TANC2: variants seen among roughly 807,000 people sequenced by gnomAD.
TANC2 encodes the protein protein TANC2.
Under a neutral mutation model 210.5 loss-of-function variants are expected in TANC2, and 26 were observed. That is an observed-to-expected ratio of 0.12 (90% confidence interval 0.09 to 0.17). The LOEUF is 0.17. Among genes scored for constraint, TANC2 ranks in the 10% least tolerant of loss-of-function variants. The probability of loss-of-function intolerance (pLI) is 1.00; values close to 1 mark genes in which losing one functional copy is unlikely to be tolerated. For synonymous variants in TANC2, 931 were observed against 967.1 expected (o/e 0.96, Z 0.69); for missense variants, 2,129 against 2,608.9 (o/e 0.82, Z 4.01).
At chr17:63,395,961 G>C in intron 18 of TANC2, 33 bp downstream of exon 18, 1 of 1,565,170 alleles carries the variant, frequency 6.4e-7, no homozygotes, top group Non-Finnish European at 8.7e-7. Flanking sequence ...GTTTTTTCAA[G>C]CTCTGTATTG....
Position 63,051,174 on chromosome 17 carries a change from C to G in TANC2, c.68-22769C>G, listed in dbSNP as rs1000829462. Among the ~76,000 whole-genome samples the G allele has an allele frequency of 2.0e-5, 3 of 152,126 alleles. No homozygotes were observed. The South Asian group carries it at 6.2e-4, about 31-fold the overall frequency. ...TTGATCATCATGAATAATATTTATG[C>G]CTTTTGTGATTATGCTTTTTATGAT... On this transcript the variant is annotated intron_variant, in intron 2 of 27. Transcript: ENST00000689528.
Position 63,413,649 on chromosome 17 carries a change from G to C in TANC2, c.4020+15G>C. Reference sequence around the variant, plus strand: ...TGTTTTATAAGGTGAGGGGAGGGAGGGACACAGTTTCTTCAGAACAGCCAC... The same window carrying C: ...TGTTTTATAAGGTGAGGGGAGGGAGCGACACAGTTTCTTCAGAACAGCCAC... On this transcript the variant is annotated intron_variant, in intron 25 of 27. Coordinates refer to ENST00000689528, the Ensembl canonical transcript of TANC2. 11 of 1,571,514 alleles carry C rather than the reference G, an allele frequency of 7.0e-6. No homozygotes were observed. The highest frequency in any genetic ancestry group is 1.3e-5 in the African/African-American group (1 of 74,186).
At chr17:63,038,924 G>A (rs996292523) in intron 2 of TANC2, among the ~76,000 whole-genome samples, 1 of 152,104 alleles carries the variant, frequency 6.6e-6, no homozygotes, top group African/African-American at 2.4e-5. Context: ...TAGTGGATAA[G>A]AGTGTATGTG....
At chr17:63,196,291 G>A (rs1314779622) in intron 6 of TANC2, among the ~76,000 whole-genome samples, 1 of 152,140 alleles carries the variant, frequency 6.6e-6, no homozygotes, top group African/African-American at 2.4e-5. Context: ...GAACAATATT[G>A]TTGAGGGATT....
intron 8 of TANC2, among the ~76,000 whole-genome samples, chr17:63,259,427 C>G (rs2043294037): frequency 6.6e-6 from 1 of 152,086 alleles, no homozygotes; most frequent in African/African-American, 2.4e-5. Flanking sequence ...TATGAAGGTG[C>G]TTTCTTATGT....
At chr17:63,267,669 C>T in intron 8 of TANC2, 79 bp from the exon 9 acceptor site, 4 of 1,478,898 alleles carry the variant, frequency 2.7e-6, no homozygotes, top group Non-Finnish European at 3.6e-6. Flanking sequence ...GCCCTGATTC[C>T]AAAGTTCCGG....
At chr17:63,312,509 C>CTG (rs1031724997) in intron 9 of TANC2, among the ~76,000 whole-genome samples, 1 of 152,062 alleles carries the variant, frequency 6.6e-6, no homozygotes, top group African/African-American at 2.4e-5. Context: ...TAAGTGGGAG[C>CTG]TAAACAATGA....
At chr17:63,305,349 C>T (rs370100000) in intron 9 of TANC2, 8 of 152,120 alleles carry the variant, frequency 5.3e-5, no homozygotes, top group Admixed American at 2.0e-4. Context: ...TCAGGTGGGC[C>T]GCCTTACCAC....
In TANC2 at chr17:63,355,311, A is replaced by G. The variant is rs2046748779; in HGVS notation, c.2503A>G (p.Met835Val). ...AATCAAGCGCAGAGACATGACTCGT[A>G]TGTTTGTACATCCTTCTTTTCGAGA... Residue 835 changes from methionine (M) to valine (V), a missense_variant, in exon 14 of 28, where the codon ATG becomes GTG. Transcript: ENST00000689528. 1.2e-6 allele frequency: 2 copies of G among 1,612,158 alleles called. No homozygotes were observed. Among genetic ancestry groups the G allele is most frequent in the Non-Finnish European group, 1.7e-6 (2 of 1,179,294 alleles).
intron 1 of TANC2, among the ~76,000 whole-genome samples, chr17:63,006,937 A>T (rs1227792530): frequency 6.6e-6 from 1 of 152,060 alleles, no homozygotes; most frequent in African/African-American, 2.4e-5. Context: ...TAGAATTATG[A>T]TATCTTGGCT....
intron 4 of TANC2, chr17:63,150,241 A>G (rs1332258483): frequency 6.6e-6 from 1 of 152,156 alleles, no homozygotes; most frequent in Non-Finnish European, 1.5e-5. Context: ...TGACACTAAT[A>G]TATAATACAA....
At chr17:62,990,004 C>A (rs1032736709) in intron 1 of TANC2, among the ~76,000 whole-genome samples, 1 of 152,054 alleles carries the variant, frequency 6.6e-6, no homozygotes, top group Non-Finnish European at 1.5e-5. Flanking sequence ...CTCTTGAACT[C>A]CTGACCTCGT....
chr17:63,143,884 G>A (rs117504628), intron 4 of TANC2, among the ~76,000 whole-genome samples: 3,129 of 151,996 alleles, frequency 0.021, 37 homozygotes, highest in South Asian at 0.038. Context: ...TGGGTACAGG[G>A]GCTCTCACCT....
intron 2 of TANC2, among the ~76,000 whole-genome samples, chr17:63,034,084 C>T (rs1023003660): frequency 6.6e-6 from 1 of 152,112 alleles, no homozygotes; most frequent in Non-Finnish European, 1.5e-5. Flanking sequence ...AACAGATTTT[C>T]AATGTAGATG....
chr17:62,992,747 T>A (rs929947759), intron 1 of TANC2, among the ~76,000 whole-genome samples: 2 of 152,220 alleles, frequency 1.3e-5, no homozygotes, highest in African/African-American at 4.8e-5. Flanking sequence ...CTGTAACATA[T>A]GACATATGTA....
At chr17:63,144,784 AAG>A in intron 4 of TANC2, among the ~76,000 whole-genome samples, 1 of 152,298 alleles carries the variant, frequency 6.6e-6, no homozygotes, top group South Asian at 2.1e-4. Context: ...TTGCATTATG[AAG>A]AGTCAGAAAT....
At chr17:63,309,877 TAAAAAC>T (rs1487114934) in intron 9 of TANC2, among the ~76,000 whole-genome samples, 1 of 151,988 alleles carries the variant, frequency 6.6e-6, no homozygotes, top group Non-Finnish European at 1.5e-5. Context: ...CTAGATAACT[TAAAAAC>T]AAACCCAATA....
At chr17:63,117,794 C>T (rs1467606737) in intron 4 of TANC2, among the ~76,000 whole-genome samples, 4 of 152,122 alleles carry the variant, frequency 2.6e-5, no homozygotes, top group African/African-American at 9.7e-5. Context: ...GTATTTGTTA[C>T]GTGGATTTCT....
At chr17:63,235,774 A>G (rs977383457) in intron 7 of TANC2, among the ~76,000 whole-genome samples, 4 of 152,100 alleles carry the variant, frequency 2.6e-5, no homozygotes, top group Admixed American at 1.3e-4. Flanking sequence ...TAAGAAGAGA[A>G]AATGAACTAA....
Sources: gnomAD v4.1 joint callset for allele counts (sites outside exome capture counted in the v4.1 genomes callset) on GRCh38, gnomAD v4.1.1 for gene constraint, MANE v1.5 for transcripts, NCBI Gene and HGNC (gene_info 2026-07-23, HGNC 2026-07-21) for gene names.